The following MEMO1 variants were observed in gnomAD, a reference collection of about 807,000 sequenced individuals.
The protein encoded by MEMO1 is protein MEMO1.
In MEMO1, 6 loss-of-function variants were observed where a neutral mutation model predicts 45.2. That is an observed-to-expected ratio of 0.13 (90% CI 0.07 to 0.26). MEMO1 has a LOEUF of 0.26. Ranked by LOEUF, MEMO1 falls within the 10% of genes least tolerant of loss-of-function variation. The pLI is 1.00. For synonymous variants in MEMO1, 78 were observed against 124.3 expected (o/e 0.63, Z 2.48); for missense variants, 184 against 370.5 (o/e 0.50, Z 4.13).
At chr2:31,920,171 C>T (rs939783834) in intron 5 of MEMO1, among the ~76,000 whole-genome samples, 2 of 151,578 alleles carry the variant, frequency 1.3e-5, no homozygotes, top group Non-Finnish European at 2.9e-5. Context: ...ACTCCCCCCC[C>T]CAAAAGAAAA....
At chr2:31,872,916 T>C (rs1183496128) in intron 8 of MEMO1, among the ~76,000 whole-genome samples, 1 of 152,154 alleles carries the variant, frequency 6.6e-6, no homozygotes, top group Non-Finnish European at 1.5e-5. Flanking sequence ...TGATAAAATT[T>C]AGAAATGGAA....
chr2:31,950,595 C>T (rs1485024816), intron 2 of MEMO1, among the ~76,000 whole-genome samples: 1 of 151,408 alleles, frequency 6.6e-6, no homozygotes, highest in Non-Finnish European at 1.5e-5. Context: ...TGGTGGCGCA[C>T]ACCTGTAATC....
intron 4 of MEMO1, among the ~76,000 whole-genome samples, chr2:31,924,598 CTGAG>C (rs1441574511): frequency 6.6e-6 from 1 of 152,128 alleles, no homozygotes; most frequent in Non-Finnish European, 1.5e-5. Flanking sequence ...TATAAGCTGC[CTGAG>C]TGTGTACCCT....
chr2:31,868,622 AAT>A, intron 9 of MEMO1, 130 bp from the exon 10 acceptor site: 1 of 828,738 alleles, frequency 1.2e-6, no homozygotes, highest in Non-Finnish European at 1.7e-6. Flanking sequence ...TTGTTTCTTG[AAT>A]TTCTCTTGTT....
intron 2 of MEMO1, among the ~76,000 whole-genome samples, chr2:31,944,347 C>A (rs772687539): frequency 2.0e-5 from 3 of 152,190 alleles, no homozygotes; most frequent in East Asian, 1.9e-4. Flanking sequence ...CCCCTTATCA[C>A]TTCCAGAAGA....
chr2:31,882,971 G>C (rs1000622100), intron 8 of MEMO1, among the ~76,000 whole-genome samples: 2 of 151,910 alleles, frequency 1.3e-5, no homozygotes, highest in African/African-American at 4.8e-5. Flanking sequence ...CAACAATGCT[G>C]TTCAGAAGGA....
intron 2 of MEMO1, among the ~76,000 whole-genome samples, chr2:31,993,945 C>CTTTTTT (rs1558562652): frequency 6.2e-4 from 77 of 124,600 alleles, no homozygotes; most frequent in African/African-American, 2.2e-3. Flanking sequence ...ATCATCAATA[C>CTTTTTT]TTTCTTTTTT....
At chr2:31,943,216 G>T in intron 3 of MEMO1, 86 bp downstream of exon 3, 1 of 993,284 alleles carries the variant, frequency 1.0e-6, no homozygotes, top group Non-Finnish European at 1.6e-6. Flanking sequence ...AGTGAGCCGA[G>T]ACCATGCCAC....
Position 31,936,686 on chromosome 2 carries a change from A to G in MEMO1, c.144-4551T>C, listed in dbSNP as rs147708346. On this transcript the variant is annotated intron_variant, in intron 3 of 9. Transcript: ENST00000404530. Reference sequence around the variant, plus strand: ...GAAAAATGACCAATTACTACAGGACATGGATTTTCACTTGTTCATTCTGAG... The same window carrying G: ...GAAAAATGACCAATTACTACAGGACGTGGATTTTCACTTGTTCATTCTGAG... 2.0e-3 allele frequency among the ~76,000 whole-genome samples: 301 copies of G among 152,328 alleles called. 3 individuals are homozygous for G. Among genetic ancestry groups the G allele is most frequent in the African/African-American group, 6.8e-3 (284 of 41,576 alleles).
chr2:31,868,555 T>TG (rs2147857436), intron 9 of MEMO1, 63 bp from the exon 10 acceptor site: 1 of 1,457,642 alleles, frequency 6.9e-7, no homozygotes, highest in African/African-American at 1.5e-5. Context: ...CTCAATGTGT[T>TG]TGCGGTTTGA....
At chr2:31,958,688 A>G (rs1458963567) in intron 2 of MEMO1, among the ~76,000 whole-genome samples, 1 of 152,136 alleles carries the variant, frequency 6.6e-6, no homozygotes, top group Non-Finnish European at 1.5e-5. Flanking sequence ...CTCTGGCTCT[A>G]TCACCCTGGC....
intron 8 of MEMO1, among the ~76,000 whole-genome samples, chr2:31,874,599 A>G (rs1674284057): frequency 6.6e-6 from 1 of 152,050 alleles, no homozygotes; most frequent in Non-Finnish European, 1.5e-5. Flanking sequence ...AAAAAGGACC[A>G]AAACTTAATT....
chr2:31,910,807 C>T (rs1039135125), intron 6 of MEMO1, among the ~76,000 whole-genome samples: 60 of 151,918 alleles, frequency 3.9e-4, no homozygotes, highest in African/African-American at 1.3e-3. Context: ...TGGCAGTAAG[C>T]CAAGATTGTG....
At chr2:31,925,109 C>T (rs758782848) in intron 4 of MEMO1, among the ~76,000 whole-genome samples, 10 of 152,144 alleles carry the variant, frequency 6.6e-5, no homozygotes, top group Non-Finnish European at 1.5e-4. Context: ...TCCTTGATAA[C>T]ACCAACAACT....
intron 9 of MEMO1, 100 bp from the exon 10 acceptor site, chr2:31,868,592 A>C: frequency 8.9e-7 from 1 of 1,122,390 alleles, no homozygotes; most frequent in Non-Finnish European, 1.2e-6. Context: ...GCTGAAGCCT[A>C]GATTATCTCT....
chr2:31,946,435 T>C (rs1355271655), intron 2 of MEMO1, among the ~76,000 whole-genome samples: 8 of 152,230 alleles, frequency 5.3e-5, no homozygotes, highest in African/African-American at 1.7e-4. Flanking sequence ...ATCTTAAAAT[T>C]TGAATTTAAG....
At chr2:32,006,762 C>G (rs1674130693) in intron 2 of MEMO1, among the ~76,000 whole-genome samples, 1 of 151,908 alleles carries the variant, frequency 6.6e-6, no homozygotes, top group African/African-American at 2.4e-5. Context: ...GTCAGGAGTT[C>G]AAGACCAGCC....
At chr2:31,904,466 A>T (rs1679369556) in intron 6 of MEMO1, among the ~76,000 whole-genome samples, 1 of 152,210 alleles carries the variant, frequency 6.6e-6, no homozygotes, top group Admixed American at 6.5e-5. Flanking sequence ...TTGGGCAGAA[A>T]TACTATGTAC....
intron 3 of MEMO1, among the ~76,000 whole-genome samples, chr2:31,937,874 T>C (rs1353844377): frequency 6.6e-6 from 1 of 152,246 alleles, no homozygotes; most frequent in Non-Finnish European, 1.5e-5. Flanking sequence ...TGCATATCTG[T>C]ACAGCTTCAT....
Sources: allele counts gnomAD v4.1 joint callset (sites outside exome capture counted in the v4.1 genomes callset), GRCh38; gene constraint gnomAD v4.1.1; transcripts MANE v1.5; gene names NCBI Gene and HGNC (gene_info 2026-07-23, HGNC 2026-07-21).